The following PRELID2 variants were observed in gnomAD, a reference collection of about 807,000 sequenced individuals.
The protein encoded by PRELID2 is PRELI domain containing 2, also known as PRELI domain-containing protein 2.
Under a neutral mutation model 28.4 loss-of-function variants are expected in PRELID2, and 25 were observed. The ratio of observed to expected loss-of-function variants is 0.88; its 90% CI spans 0.64 to 1.23. PRELID2 has a LOEUF of 1.23. PRELID2 is among the 50% of genes most tolerant of loss of function. The pLI, the probability that PRELID2 is intolerant of heterozygous loss-of-function variation, is 0.00. For missense variants in PRELID2, 201 were observed against 214.4 expected (o/e 0.94, Z 0.39); for synonymous variants, 76 against 71.6 (o/e 1.06, Z -0.31).
intron 1 of PRELID2, among the ~76,000 whole-genome samples, chr5:145,695,695 C>A (rs1159012532): frequency 6.6e-6 from 1 of 152,140 alleles, no homozygotes; most frequent in Non-Finnish European, 1.5e-5. Flanking sequence ...GCTGGGGGCA[C>A]AAAGTCTCTG....
chr5:145,743,411 CAAAAAA>C (rs59424142), intron 1 of PRELID2, among the ~76,000 whole-genome samples: 12 of 101,732 alleles, frequency 1.2e-4, no homozygotes, highest in Non-Finnish European at 2.2e-4. Context: ...AACTCTGCGG[CAAAAAA>C]AAAAAAAAAA....
At chr5:145,834,144 A>C (rs1755781902) in intron 1 of PRELID2, among the ~76,000 whole-genome samples, 2 of 152,254 alleles carry the variant, frequency 1.3e-5, no homozygotes, top group Admixed American at 6.5e-5. Context: ...GTAGTAATAC[A>C]AACAACAATA....
chr5:145,482,131 C>T (rs1221270608), intron 1 of PRELID2, among the ~76,000 whole-genome samples: 1 of 152,096 alleles, frequency 6.6e-6, no homozygotes, highest in Non-Finnish European at 1.5e-5. Flanking sequence ...GTTCATGTAG[C>T]TGTTGTGCTA....
At chr5:145,779,795 T>C (rs1029793357) in intron 5 of PRELID2, among the ~76,000 whole-genome samples, 1 of 152,198 alleles carries the variant, frequency 6.6e-6, no homozygotes, top group African/African-American at 2.4e-5. Context: ...TCATCCATAC[T>C]CTATGAGGGA....
chr5:145,787,104 T>C (rs1581201737), intron 5 of PRELID2, among the ~76,000 whole-genome samples: 1 of 152,158 alleles, frequency 6.6e-6, no homozygotes, highest in South Asian at 2.1e-4. Context: ...AATTATTTCA[T>C]CACACATTGA....
chr5:145,726,305 A>AAGAG (rs796443528), intron 1 of PRELID2, among the ~76,000 whole-genome samples: 3,394 of 147,324 alleles, frequency 0.023, 127 homozygotes, highest in African/African-American at 0.083. Flanking sequence ...AAGAAAAAGA[A>AAGAG]AGAGAGAGAG....
At chr5:145,293,846 C>T in the PRELID2 span, among the ~76,000 whole-genome samples, 9 of 152,256 alleles carry the variant, frequency 5.9e-5, no homozygotes, top group African/African-American at 2.2e-4. Flanking sequence ...AGACATCAGA[C>T]ATAGCCATAT....
chr5:145,567,638 A>G (rs563860519), intron 1 of PRELID2, among the ~76,000 whole-genome samples: 1 of 152,212 alleles, frequency 6.6e-6, no homozygotes, highest in East Asian at 1.9e-4. Flanking sequence ...TCAGCCTCCC[A>G]AAGTGCTGGG....
At chr5:145,281,177 A>T in the PRELID2 span, among the ~76,000 whole-genome samples, 2,347 of 152,278 alleles carry the variant, frequency 0.015, 52 homozygotes, top group African/African-American at 0.054. Flanking sequence ...TAGCAATCCA[A>T]TGATTAGTGG....
chr5:145,553,193 C>CA (rs57790960), intron 1 of PRELID2, among the ~76,000 whole-genome samples: 68 of 134,924 alleles, frequency 5.0e-4, no homozygotes, highest in South Asian at 2.1e-3. Flanking sequence ...CCCCCCCCCC[C>CA]AAAAAAAAAG....
the PRELID2 span, among the ~76,000 whole-genome samples, chr5:145,452,814 G>C: frequency 3.3e-5 from 5 of 152,034 alleles, no homozygotes. Context: ...GGAGGGAAGA[G>C]AGAAAGGGAA....
At chr5:145,726,611 C>G (rs1428889049) in intron 1 of PRELID2, among the ~76,000 whole-genome samples, 2 of 152,104 alleles carry the variant, frequency 1.3e-5, no homozygotes, top group Non-Finnish European at 2.9e-5. Context: ...TTTTTAGGAC[C>G]AGGATCAGGA....
At chr5:145,776,916 A>C (rs1758445370) in intron 5 of PRELID2, among the ~76,000 whole-genome samples, 1 of 152,232 alleles carries the variant, frequency 6.6e-6, no homozygotes, top group Admixed American at 6.5e-5. Context: ...TAAACAGTTT[A>C]ATAAAATTAT....
At chr5:145,702,850 C>T (rs570492765) in intron 1 of PRELID2, among the ~76,000 whole-genome samples, 3 of 152,206 alleles carry the variant, frequency 2.0e-5, no homozygotes, top group Admixed American at 1.3e-4. Flanking sequence ...GAAGATACCA[C>T]TTCTATGTGG....
chr5:145,447,209 G>A, the PRELID2 span, among the ~76,000 whole-genome samples: 1 of 151,820 alleles, frequency 6.6e-6, no homozygotes, highest in Admixed American at 6.6e-5. Context: ...TCTTCATTGA[G>A]TTTTCAGTAC....
rs546969445 is a variant in PRELID2, at chr5:145,548,134, C to A, written n.71-74819G>T. Among the ~76,000 whole-genome samples the A allele has an allele frequency of 9.9e-5, 15 of 152,266 alleles. No individual in the cohort carries two copies. In the East Asian group the frequency reaches 2.7e-3, roughly 27 times the overall value. On this transcript the variant is annotated intron_variant and non_coding_transcript_variant, in intron 1 of 2. Coordinates refer to the PRELID2 transcript ENST00000510259. Reference sequence around the variant, plus strand: ...TATAGGACAATAAAATCATCCTGGCCACAGAAGATCTAAAATCACCCAAGT... The same window carrying A: ...TATAGGACAATAAAATCATCCTGGCAACAGAAGATCTAAAATCACCCAAGT...
chr5:145,261,628 C>T, the PRELID2 span, among the ~76,000 whole-genome samples: 2 of 152,140 alleles, frequency 1.3e-5, no homozygotes, highest in Non-Finnish European at 2.9e-5. Context: ...AATTCCCGTC[C>T]TTAAAGGAAA....
chr5:145,430,334 G>A, the PRELID2 span, among the ~76,000 whole-genome samples: 2 of 152,096 alleles, frequency 1.3e-5, no homozygotes, highest in African/African-American at 4.8e-5. Context: ...AATTTCTTTG[G>A]CTTTGTATAA....
intron 1 of PRELID2, among the ~76,000 whole-genome samples, chr5:145,547,855 C>T (rs10214126): frequency 0.02 from 3,094 of 152,280 alleles, 94 homozygotes; most frequent in African/African-American, 0.071. Context: ...ATACAGAGAT[C>T]ATCTGCCAAA....
Sources: gnomAD v4.1 joint callset for allele counts (sites outside exome capture counted in the v4.1 genomes callset) on GRCh38, gnomAD v4.1.1 for gene constraint, MANE v1.5 for transcripts, NCBI Gene and HGNC (gene_info 2026-07-23, HGNC 2026-07-21) for gene names.